CTNND2: variants seen among roughly 807,000 people sequenced by gnomAD.
The protein encoded by CTNND2 is catenin delta 2.
CTNND2 carries 22 observed loss-of-function variants against 144.4 expected under a neutral mutation model. That is an observed-to-expected ratio of 0.15 (90% CI 0.11 to 0.22). The LOEUF (loss-of-function observed/expected upper bound fraction) is 0.22. Among genes scored for constraint, CTNND2 ranks in the 10% least tolerant of loss-of-function variants. The pLI is 1.00. For missense variants in CTNND2, 1,353 were observed against 1,618.8 expected (o/e 0.84, Z 2.82); for synonymous variants, 751 against 695.6 (o/e 1.08, Z -1.25).
At chr5:11,768,138 G>C (rs956501125) in intron 1 of CTNND2, among the ~76,000 whole-genome samples, 1 of 152,004 alleles carries the variant, frequency 6.6e-6, no homozygotes. Flanking sequence ...AAATGGAACA[G>C]GTTTTCTGTG....
chr5:11,652,563 T>C (rs1782698989), intron 2 of CTNND2, among the ~76,000 whole-genome samples: 1 of 152,244 alleles, frequency 6.6e-6, no homozygotes, highest in South Asian at 2.1e-4. Context: ...TGCTAGTCTA[T>C]AGGAAAGCAT....
intron 14 of CTNND2, among the ~76,000 whole-genome samples, chr5:11,100,827 T>A (rs1460049964): frequency 6.6e-6 from 1 of 152,198 alleles, no homozygotes; most frequent in Non-Finnish European, 1.5e-5. Flanking sequence ...AGAAGTAATA[T>A]TTGCATGCTC....
At chr5:11,077,295 AG>A (rs1446583025) in intron 16 of CTNND2, among the ~76,000 whole-genome samples, 1 of 152,186 alleles carries the variant, frequency 6.6e-6, no homozygotes, top group Non-Finnish European at 1.5e-5. Context: ...ATATATTAGA[AG>A]GTAATTGGGG....
In CTNND2 at chr5:11,199,481, T is replaced by C. The variant is rs1374260117; in HGVS notation, c.1942A>G (p.Thr648Ala). ...AGCTCCCGGATCTCCAGGTCAGTCG[T>C]CTTGCGGAGTAACCTCACCAGTGCT... Reference protein sequence around the residue: ...IPALVRLLRKTTDLEIRELVT... With the variant: ...IPALVRLLRKATDLEIRELVT... Residue 648 changes from threonine (T) to alanine (A), a missense_variant, in exon 11 of 22, where the codon ACG becomes GCG. Physicochemically the swap from Thr to Ala is moderately conservative, Grantham distance 58. Coordinates refer to ENST00000304623, the MANE Select transcript of CTNND2 (RefSeq NM_001332.4). The C allele has an allele frequency of 6.2e-6, 10 of 1,614,120 alleles. No homozygotes were observed. Among genetic ancestry groups the C allele is most frequent in the African/African-American group, 1.3e-5 (1 of 74,954 alleles).
chr5:11,353,245 C>T (rs1183036046), intron 8 of CTNND2, among the ~76,000 whole-genome samples: 2 of 152,110 alleles, frequency 1.3e-5, no homozygotes, highest in Non-Finnish European at 2.9e-5. Flanking sequence ...CTATCATTAA[C>T]ATCATCCTCA....
intron 1 of CTNND2, among the ~76,000 whole-genome samples, chr5:11,733,457 T>C (rs1581793602): frequency 1.3e-5 from 2 of 152,148 alleles, no homozygotes; most frequent in African/African-American, 4.8e-5. Context: ...TGTTGTTGTG[T>C]GAGAGTAGAA....
At chr5:11,686,207 GA>G (rs112168894) in intron 2 of CTNND2, among the ~76,000 whole-genome samples, 31 of 140,480 alleles carry the variant, frequency 2.2e-4, no homozygotes, top group East Asian at 6.2e-4. Context: ...CCATGTCTCA[GA>G]AAAAAAAAAA....
At chr5:11,472,645 T>C (rs79230918) in intron 3 of CTNND2, among the ~76,000 whole-genome samples, 2,136 of 152,338 alleles carry the variant, frequency 0.014, 53 homozygotes, top group African/African-American at 0.049. Context: ...AATGTTATAG[T>C]CTTGAGATCT....
chr5:11,809,958 A>G (rs1318251679), intron 1 of CTNND2, among the ~76,000 whole-genome samples: 1 of 152,186 alleles, frequency 6.6e-6, no homozygotes, highest in Non-Finnish European at 1.5e-5. Context: ...ATCCCAGGCT[A>G]AACATATCAA....
intron 2 of CTNND2, among the ~76,000 whole-genome samples, chr5:11,622,761 G>A (rs1780916686): frequency 6.6e-6 from 1 of 152,048 alleles, no homozygotes; most frequent in African/African-American, 2.4e-5. Context: ...TTTATATCCT[G>A]TCTACTTCAA....
intron 2 of CTNND2, among the ~76,000 whole-genome samples, chr5:11,621,392 T>C (rs1338190704): frequency 6.6e-6 from 1 of 152,178 alleles, no homozygotes; most frequent in East Asian, 1.9e-4. Context: ...AGTAGCATCT[T>C]TGCTGATTTC....
At chr5:11,255,088 T>A (rs1174759782) in intron 9 of CTNND2, among the ~76,000 whole-genome samples, 1 of 152,218 alleles carries the variant, frequency 6.6e-6, no homozygotes, top group African/African-American at 2.4e-5. Context: ...ATCTATGAGT[T>A]TTTTTCCTAA....
intron 1 of CTNND2, among the ~76,000 whole-genome samples, chr5:11,832,786 G>A (rs938535505): frequency 6.6e-6 from 1 of 151,976 alleles, no homozygotes; most frequent in Non-Finnish European, 1.5e-5. Flanking sequence ...ACAAAAAATA[G>A]GAAAATTAGT....
intron 2 of CTNND2, among the ~76,000 whole-genome samples, chr5:11,628,754 C>A (rs1444624205): frequency 6.6e-6 from 1 of 151,970 alleles, no homozygotes; most frequent in African/African-American, 2.4e-5. Flanking sequence ...ATTATAGTAT[C>A]CCCAGGATGG....
chr5:11,145,196 A>C (rs2149741716), intron 12 of CTNND2, among the ~76,000 whole-genome samples: 1 of 152,332 alleles, frequency 6.6e-6, no homozygotes, highest in South Asian at 2.1e-4. Context: ...AGTAGGACTA[A>C]GTACATTCAC....
intron 2 of CTNND2, among the ~76,000 whole-genome samples, chr5:11,603,209 C>T (rs945429748): frequency 2.0e-5 from 3 of 152,072 alleles, no homozygotes; most frequent in Admixed American, 6.6e-5. Context: ...GCCATTGCTT[C>T]GTAAATCTAC....
intron 18 of CTNND2, among the ~76,000 whole-genome samples, chr5:10,996,213 G>C (rs1321464222): frequency 6.6e-6 from 1 of 152,214 alleles, no homozygotes; most frequent in Non-Finnish European, 1.5e-5. Flanking sequence ...GCAACTTGGA[G>C]AGAGACAAGG....
At chr5:11,851,437 T>C (rs1462825393) in intron 1 of CTNND2, among the ~76,000 whole-genome samples, 1 of 152,178 alleles carries the variant, frequency 6.6e-6, no homozygotes, top group Non-Finnish European at 1.5e-5. Flanking sequence ...CAGAGCCTGT[T>C]TTCTCAGCCC....
At chr5:11,157,012 G>A (rs754710489) in intron 12 of CTNND2, among the ~76,000 whole-genome samples, 3 of 152,114 alleles carry the variant, frequency 2.0e-5, no homozygotes, top group Non-Finnish European at 4.4e-5. Context: ...CCATAACTTT[G>A]AATTTCCTCT....
Sources: allele counts gnomAD v4.1 joint callset (sites outside exome capture counted in the v4.1 genomes callset), GRCh38; gene constraint gnomAD v4.1.1; transcripts MANE v1.5; gene names NCBI Gene and HGNC (gene_info 2026-07-23, HGNC 2026-07-21).